Variants in PDE6C observed in about 807,000 individuals in gnomAD.
PDE6C encodes the protein phosphodiesterase 6C.
Under a neutral mutation model 113.1 loss-of-function variants are expected in PDE6C, and 75 were observed. That is an observed-to-expected ratio of 0.66 (90% CI 0.55 to 0.80). The LOEUF (loss-of-function observed/expected upper bound fraction) is 0.80, where lower values mean the gene tolerates loss of function less well. PDE6C is among the 30% of genes least tolerant of loss of function. The pLI is 0.00. For synonymous variants in PDE6C, 375 were observed against 363.7 expected (o/e 1.03, Z -0.35); for missense variants, 912 against 1,038.6 (o/e 0.88, Z 1.67).
chr10:93,659,426 T>G (rs1171473965), intron 18 of PDE6C, among the ~76,000 whole-genome samples: 1 of 152,152 alleles, frequency 6.6e-6, no homozygotes, highest in Admixed American at 6.6e-5. Context: ...ATGTCTGAGT[T>G]TTTAAATAGA....
chr10:93,635,578 A>G lies in PDE6C; in HGVS notation c.1351A>G (p.Ile451Val), dbSNP rs1443684767. 1.2e-5 allele frequency: 20 copies of G among 1,613,754 alleles called. No homozygotes were observed. The highest frequency in any genetic ancestry group is 1.6e-5 in the Non-Finnish European group (19 of 1,179,722). Residue 451 changes from isoleucine to valine, a missense_variant, in exon 10 of 22, where the codon ATT becomes GTT. Transcript: ENST00000371447. ...KMNKLENRKD[I>V]AQEMLMNQTK... Reference sequence around the variant, plus strand: ...GAATAAGCTAGAAAACAGAAAGGACATTGCTCAGGAAATGCTCATGAACCA... The same window carrying G: ...GAATAAGCTAGAAAACAGAAAGGACGTTGCTCAGGAAATGCTCATGAACCA...
At chr10:93,638,205 C>T (rs1264559717) in intron 11 of PDE6C, among the ~76,000 whole-genome samples, 2 of 152,118 alleles carry the variant, frequency 1.3e-5, no homozygotes, top group African/African-American at 2.4e-5. Flanking sequence ...GTGATGTGAG[C>T]ATTCTTTCTA....
rs1195882977 is a variant in PDE6C, at chr10:93,637,062, TG to T, written c.1482+1del. 1 of 1,567,616 alleles carries T rather than the reference TG, an allele frequency of 6.4e-7. No individual in the cohort carries two copies. Among genetic ancestry groups the T allele is most frequent in the Admixed American group, 1.7e-5 (1 of 59,896 alleles). On this transcript the variant is annotated frameshift_variant and splice_region_variant, in exon 11 of 22. Transcript: ENST00000371447. LOFTEE classifies it high-confidence loss of function. ...DCEEKQLVAI[L>X]KEDLPDPRSA... is the part of the protein sequence containing the mutation. ...GAAGAAAAACAACTTGTTGCAATTTTGGTAAGTGTTTTCTTTCTAACCTTAA... is the reference window on the plus strand; with the variant it reads ...GAAGAAAAACAACTTGTTGCAATTTTGTAAGTGTTTTCTTTCTAACCTTAA...
intron 14 of PDE6C, among the ~76,000 whole-genome samples, chr10:93,643,667 A>G (rs1233006860): frequency 1.3e-5 from 2 of 150,312 alleles, no homozygotes; most frequent in Non-Finnish European, 3.0e-5. Flanking sequence ...CTGGGATTAC[A>G]GGCCTGAGCT....
chr10:93,627,184 C>T (rs925767733), intron 7 of PDE6C, among the ~76,000 whole-genome samples: 9 of 145,276 alleles, frequency 6.2e-5, no homozygotes, highest in African/African-American at 2.1e-4. Context: ...ATTGCTTGAA[C>T]CCAGGAGGTG....
chr10:93,645,709 C>G (rs572406442), intron 14 of PDE6C, among the ~76,000 whole-genome samples: 6 of 152,204 alleles, frequency 3.9e-5, no homozygotes, highest in African/African-American at 9.6e-5. Flanking sequence ...AATTTAGATA[C>G]AAGGAGCTGA....
At chr10:93,649,190 G>A (rs2058598242) in intron 15 of PDE6C, among the ~76,000 whole-genome samples, 1 of 152,196 alleles carries the variant, frequency 6.6e-6, no homozygotes, top group Non-Finnish European at 1.5e-5. Context: ...GAAAGCAGCT[G>A]AGCAAGTCAG....
intron 3 of PDE6C, 120 bp downstream of exon 3, chr10:93,621,100 C>T: frequency 2.5e-6 from 2 of 805,628 alleles, no homozygotes; most frequent in South Asian, 2.7e-5. Context: ...GAACAGATCC[C>T]CAAACTTCAG....
At position 93,612,551 on chromosome 10, in the gene PDE6C, G is replaced by C; in HGVS notation, c.-175G>C. ...CAGGGCCTTCTGTCACATCCCAAGA[G>C]TTACAGGCAGTTTGAAAGCTCTGCT... On this transcript the variant is annotated 5_prime_UTR_variant, in exon 1 of 22. Coordinates refer to ENST00000371447, the MANE Select transcript of PDE6C (RefSeq NM_006204.4). 2 of 808,590 alleles carry C rather than the reference G, an allele frequency of 2.5e-6. No individual in the cohort carries two copies. The highest frequency in any genetic ancestry group is 4.1e-6 in the Non-Finnish European group (2 of 488,974). The allele number at this position is 808,590 out of a possible 1,614,324, so 50.1% of individuals were successfully genotyped here.
intron 13 of PDE6C, 51 bp downstream of exon 13, chr10:93,640,608 A>G (rs753918819): frequency 8.1e-7 from 1 of 1,233,584 alleles, no homozygotes; most frequent in Non-Finnish European, 1.2e-6. Flanking sequence ...TTCCCATTTG[A>G]GCATGATGAG....
rs566783702 is a variant in PDE6C at position 93,635,647 on chromosome 10, G to A, written c.1413+7G>A. The A allele has an allele frequency of 1.2e-6, 2 of 1,613,428 alleles. No homozygotes were observed. The highest frequency in any genetic ancestry group is 2.2e-5 in the South Asian group (2 of 91,040). On this transcript the variant is annotated splice_region_variant and intron_variant, in intron 10 of 21. Transcript: ENST00000371447. ...AGAAATTAAGTCCATTTTGGTAAGTGGGAAATTCAGTCCTGTGGACATAAG... is the reference window on the plus strand; with the variant it reads ...AGAAATTAAGTCCATTTTGGTAAGTAGGAAATTCAGTCCTGTGGACATAAG...
At chr10:93,639,797 G>A (rs2058550220) in intron 11 of PDE6C, among the ~76,000 whole-genome samples, 1 of 152,202 alleles carries the variant, frequency 6.6e-6, no homozygotes, top group African/African-American at 2.4e-5. Flanking sequence ...AGAGCTACTG[G>A]AGTTGGATTT....
chr10:93,626,774 T>C (rs1391714138), intron 6 of PDE6C, 31 bp from the exon 7 acceptor site: 6 of 1,611,518 alleles, frequency 3.7e-6, no homozygotes, highest in Non-Finnish European at 5.1e-6. Flanking sequence ...TTCTCTATAT[T>C]GCAATGATTT....
chr10:93,621,726 C>T (rs966522601), intron 3 of PDE6C, among the ~76,000 whole-genome samples: 1 of 152,328 alleles, frequency 6.6e-6, no homozygotes, highest in East Asian at 1.9e-4. Flanking sequence ...CTCCATAGAC[C>T]CGCAGCCTTG....
chr10:93,637,089 T>A, intron 11 of PDE6C, 26 bp downstream of exon 11: 3 of 1,265,240 alleles, frequency 2.4e-6, no homozygotes, highest in Non-Finnish European at 3.5e-6. Context: ...CTAACCTTAA[T>A]GCCTGTTAAA....
rs543722110 is a variant in PDE6C, at chr10:93,665,653, A to T, written c.*235A>T. 3.7e-4 allele frequency: 197 copies of T among 527,392 alleles called. No homozygotes were observed. Among genetic ancestry groups the T allele is most frequent in the Middle Eastern group, 2.1e-3 (4 of 1,910 alleles). 32.7% of individuals were successfully genotyped at this position (527,392 alleles called of 1,614,324 possible). A position where few individuals can be genotyped will look rare whatever the true frequency, so the allele number is the denominator to read the frequency against. ...TTTTGGTGCCAATTTATTTTAAATT[A>T]AAAAATATGCAATCCTGAAACTAGT... is the stretch of plus-strand genomic sequence containing the variant. On this transcript the variant is annotated 3_prime_UTR_variant, in exon 22 of 22. Coordinates refer to ENST00000371447, the MANE Select transcript of PDE6C (RefSeq NM_006204.4).
intron 11 of PDE6C, among the ~76,000 whole-genome samples, chr10:93,638,057 T>C (rs2058542293): frequency 6.6e-6 from 1 of 152,196 alleles, no homozygotes; most frequent in Non-Finnish European, 1.5e-5. Flanking sequence ...CTGGAATCCA[T>C]GAAATCCTGG....
Position 93,640,997 on chromosome 10 carries a change from C to T in PDE6C, c.1815C>T (p.Asp605=), listed in dbSNP as rs750672342. 3.1e-6 allele frequency: 5 copies of T among 1,609,942 alleles called. No homozygotes were observed. In the African/African-American group the frequency reaches 4.0e-5, roughly 13 times the overall value. ...MLAAAFCHDI[D]HRGTNNLYQM... is the part of the protein sequence containing the mutation. ...CTGCTGCTTTCTGCCATGATATTGA[C>T]CACAGAGGCACCAATAATTTGTACC... is the stretch of plus-strand genomic sequence containing the variant. Residue 605 remains aspartate, a synonymous_variant, in exon 14 of 22, where the codon GAC becomes GAT. Transcript: ENST00000371447.
At chr10:93,650,382 G>A (rs978468281) in intron 15 of PDE6C, among the ~76,000 whole-genome samples, 1 of 152,086 alleles carries the variant, frequency 6.6e-6, no homozygotes, top group Non-Finnish European at 1.5e-5. Flanking sequence ...AAGTAGCTGG[G>A]ACTACAGACA....
Sources: allele counts gnomAD v4.1 joint callset (sites outside exome capture counted in the v4.1 genomes callset), GRCh38; gene constraint gnomAD v4.1.1; transcripts MANE v1.5; gene names NCBI Gene and HGNC (gene_info 2026-07-23, HGNC 2026-07-21).